The following CUL1 variants were observed in gnomAD, a reference collection of about 807,000 sequenced individuals.
CUL1 encodes the protein cullin 1.
A neutral mutation model predicts 118.0 loss-of-function variants in CUL1; 24 were observed. The observed-to-expected ratio is 0.20, with a 90% CI of 0.15 to 0.29. The LOEUF (loss-of-function observed/expected upper bound fraction) is 0.29, where lower values mean the gene tolerates loss of function less well. Among genes scored for constraint, CUL1 ranks in the 10% least tolerant of loss-of-function variants. The pLI, the probability that CUL1 is intolerant of heterozygous loss-of-function variation, is 1.00. For synonymous variants in CUL1, 332 were observed against 340.4 expected (o/e 0.98, Z 0.27); for missense variants, 361 against 933.8 (o/e 0.39, Z 7.99).
chr7:148,764,854 A>G (rs1172691609), intron 7 of CUL1, among the ~76,000 whole-genome samples: 1 of 152,258 alleles, frequency 6.6e-6, no homozygotes, highest in Non-Finnish European at 1.5e-5. Flanking sequence ...CTGATTATAT[A>G]AACCACATTG....
At chr7:148,704,594 C>A (rs1358959569) in intron 1 of CUL1, among the ~76,000 whole-genome samples, 2 of 152,116 alleles carry the variant, frequency 1.3e-5, no homozygotes, top group Non-Finnish European at 2.9e-5. Flanking sequence ...ATGATTATTT[C>A]AGCATTTAGA....
At chr7:148,733,212 A>G (rs774351127) in intron 2 of CUL1, among the ~76,000 whole-genome samples, 3 of 152,200 alleles carry the variant, frequency 2.0e-5, no homozygotes, top group African/African-American at 4.8e-5. Context: ...TTACATTTCT[A>G]TATTTTCTTT....
At chr7:148,778,984 T>C (rs1800519372) in intron 9 of CUL1, among the ~76,000 whole-genome samples, 1 of 152,216 alleles carries the variant, frequency 6.6e-6, no homozygotes, top group African/African-American at 2.4e-5. Context: ...TGTTAAAGTA[T>C]CACTTAGCAC....
Position 148,749,620 on chromosome 7 carries a change from G to T in CUL1, c.141-4356G>T, listed in dbSNP as rs370518125. On this transcript the variant is annotated intron_variant, in intron 2 of 21. Coordinates refer to ENST00000325222, the MANE Select transcript of CUL1 (RefSeq NM_003592.3). ...CATAAATGCATGTGTCTGCTCCACC[G>T]ACTGGCCATTCCCCCATCTCTCTTT... Among the ~76,000 whole-genome samples, 50 of 152,184 alleles carry T rather than the reference G, an allele frequency of 3.3e-4. No homozygotes were observed. The South Asian group carries it at 0.01, about 32-fold the overall frequency.
At chr7:148,759,506 A>G (rs1327905430) in intron 5 of CUL1, 42 bp from the exon 6 acceptor site, 1 of 1,386,364 alleles carries the variant, frequency 7.2e-7, no homozygotes, top group Non-Finnish European at 1.0e-6. Flanking sequence ...TATATATCAT[A>G]TTCTATAACC....
chr7:148,725,966 A>G (rs779812775), intron 1 of CUL1, among the ~76,000 whole-genome samples: 95 of 152,332 alleles, frequency 6.2e-4, no homozygotes, highest in Admixed American at 1.4e-3. Flanking sequence ...AGAATAAATC[A>G]CATAGCAGCA....
At chr7:148,700,372 T>G (rs1222721776) in intron 1 of CUL1, among the ~76,000 whole-genome samples, 1 of 152,208 alleles carries the variant, frequency 6.6e-6, no homozygotes, top group Non-Finnish European at 1.5e-5. Flanking sequence ...GTTTTAAGTT[T>G]AACACTTCAT....
chr7:148,767,821 G>A (rs565411839), intron 9 of CUL1, 72 bp downstream of exon 9: 23 of 1,438,468 alleles, frequency 1.6e-5, no homozygotes, highest in East Asian at 6.9e-5. Flanking sequence ...TATGTTATGC[G>A]TCTCTACTTC....
At chr7:148,778,518 A>C (rs1296986424) in intron 9 of CUL1, among the ~76,000 whole-genome samples, 1 of 152,220 alleles carries the variant, frequency 6.6e-6, no homozygotes, top group Non-Finnish European at 1.5e-5. Flanking sequence ...TGTTACTTGA[A>C]GACCAAGTGC....
At chr7:148,753,714 T>C (rs1330272787) in intron 2 of CUL1, among the ~76,000 whole-genome samples, 1 of 152,240 alleles carries the variant, frequency 6.6e-6, no homozygotes, top group African/African-American at 2.4e-5. Context: ...CAGATTTTTT[T>C]ATAGGCAACC....
At chr7:148,744,555 A>G (rs1307732816) in intron 2 of CUL1, among the ~76,000 whole-genome samples, 1 of 152,154 alleles carries the variant, frequency 6.6e-6, no homozygotes, top group Non-Finnish European at 1.5e-5. Context: ...TTGTGGTTGT[A>G]TAGTTCCATT....
intron 1 of CUL1, among the ~76,000 whole-genome samples, chr7:148,722,049 CTACTG>C (rs992326126): frequency 1.3e-5 from 2 of 152,126 alleles, no homozygotes; most frequent in African/African-American, 4.8e-5. Context: ...ATATTCTGCT[CTACTG>C]TATATTTAGG....
At chr7:148,781,873 A>G (rs892656940) in intron 9 of CUL1, among the ~76,000 whole-genome samples, 6 of 152,202 alleles carry the variant, frequency 3.9e-5, no homozygotes, top group African/African-American at 1.4e-4. Context: ...AAGTATTAAT[A>G]TTTATATACA....
At chr7:148,710,398 C>T (rs1458696063) in intron 1 of CUL1, among the ~76,000 whole-genome samples, 3 of 151,986 alleles carry the variant, frequency 2.0e-5, no homozygotes, top group Admixed American at 6.5e-5. Flanking sequence ...GTAGAAACCC[C>T]GTCTCTACTA....
At chr7:148,765,992 C>G (rs1405115936) in intron 7 of CUL1, among the ~76,000 whole-genome samples, 1 of 152,134 alleles carries the variant, frequency 6.6e-6, no homozygotes, top group Non-Finnish European at 1.5e-5. Flanking sequence ...GACATGTTAA[C>G]TGTTAATAAC....
In CUL1 at chr7:148,766,710, T is replaced by C. The variant is rs755096900; in HGVS notation, c.939T>C (p.Ala313=). 2 of 1,610,944 alleles carry C rather than the reference T, an allele frequency of 1.2e-6. No homozygotes were observed. The highest frequency in any genetic ancestry group is 3.4e-5 in the Admixed American group (2 of 59,306). The change falls in exon 8 of 22, where the codon GCT becomes GCC. Residue 313 remains alanine, a synonymous_variant. Transcript: ENST00000325222. ...FHTEFQNLLD[A]DKNEDLGRMY... ...CAGAATTTCAGAATTTATTGGATGC[T>C]GACAAAAATGAAGGTGAGCCACAAG...
chr7:148,791,825 C>T (rs1361508188), intron 16 of CUL1, among the ~76,000 whole-genome samples: 1 of 152,214 alleles, frequency 6.6e-6, no homozygotes, highest in Non-Finnish European at 1.5e-5. Context: ...AGAAGGAAGG[C>T]GTCCTCGGGG....
At position 148,730,166 on chromosome 7, in the gene CUL1, T is replaced by C. The variant is rs1267128009; in HGVS notation, c.44T>C (p.Ile15Thr). The change falls in exon 2 of 22, where the codon ATT (isoleucine) becomes ACT (threonine). Residue 15 changes from isoleucine (I) to threonine (T), a missense_variant. By Grantham distance (89) the Ile-to-Thr change is moderately conservative. Coordinates refer to ENST00000325222, the MANE Select transcript of CUL1 (RefSeq NM_003592.3). ...CAGAACCCCCACGGCCTGAAGCAGATTGGCCTGGACCAGATCTGGGACGAC... is the reference window on the plus strand; with the variant it reads ...CAGAACCCCCACGGCCTGAAGCAGACTGGCCTGGACCAGATCTGGGACGAC... ...RSQNPHGLKQ[I>T]GLDQIWDDLR... The C allele has an allele frequency of 6.2e-7, 1 of 1,614,126 alleles. No homozygotes were observed. Among genetic ancestry groups the C allele is most frequent in the Non-Finnish European group, 8.5e-7 (1 of 1,180,018 alleles).
At position 148,722,792 on chromosome 7, in the gene CUL1, G is replaced by T. The variant is rs369235462; in HGVS notation, c.-161-7170G>T. Among the ~76,000 whole-genome samples the T allele has an allele frequency of 1.1e-4, 16 of 152,350 alleles. 1 individual carries two copies. Among genetic ancestry groups the T allele is most frequent in the East Asian group, 5.8e-4 (3 of 5,180 alleles). ...TTTGTTCTAGTCATTTGCAGGTGGGGCCCTGCTGAGCCTTCCCAGCTGGAC... is the reference window on the plus strand; with the variant it reads ...TTTGTTCTAGTCATTTGCAGGTGGGTCCCTGCTGAGCCTTCCCAGCTGGAC... On this transcript the variant is annotated intron_variant, in intron 1 of 21. Coordinates refer to ENST00000325222, the MANE Select transcript of CUL1 (RefSeq NM_003592.3).
Sources: allele counts gnomAD v4.1 joint callset (sites outside exome capture counted in the v4.1 genomes callset), GRCh38; gene constraint gnomAD v4.1.1; transcripts MANE v1.5; gene names NCBI Gene and HGNC (gene_info 2026-07-23, HGNC 2026-07-21).